The following FAM110B variants were observed in gnomAD, a reference collection of about 807,000 sequenced individuals.
FAM110B encodes family with sequence similarity 110 member B, also known as protein FAM110B.
A neutral mutation model predicts 20.4 loss-of-function variants in FAM110B; 6 were observed. That is an observed-to-expected ratio of 0.29 (90% CI 0.16 to 0.58). The LOEUF (loss-of-function observed/expected upper bound fraction) is 0.58. Among genes scored for constraint, FAM110B ranks in the 20% least tolerant of loss-of-function variants. The pLI is 0.90. For synonymous variants in FAM110B, 226 were observed against 214.1 expected (o/e 1.06, Z -0.49); for missense variants, 434 against 498.2 (o/e 0.87, Z 1.23).
chr8:58,105,615 C>T (rs1051712890), intron 3 of FAM110B, among the ~76,000 whole-genome samples: 1 of 124,390 alleles, frequency 8.0e-6, no homozygotes, highest in Non-Finnish European at 1.6e-5. Flanking sequence ...GTCGCCCAGG[C>T]TGGAGTGCAG....
At chr8:58,138,492 C>T (rs1199467328) in intron 3 of FAM110B, among the ~76,000 whole-genome samples, 2 of 152,194 alleles carry the variant, frequency 1.3e-5, no homozygotes, top group African/African-American at 2.4e-5. Context: ...AGTTCCCAGG[C>T]TCCTCAGCTC....
At chr8:58,111,884 A>G (rs1373150509) in intron 3 of FAM110B, among the ~76,000 whole-genome samples, 1 of 152,160 alleles carries the variant, frequency 6.6e-6, no homozygotes, top group African/African-American at 2.4e-5. Context: ...TTACTTAACT[A>G]ATATAAGTGA....
At chr8:58,071,132 T>G (rs932045246) in intron 2 of FAM110B, among the ~76,000 whole-genome samples, 9 of 152,106 alleles carry the variant, frequency 5.9e-5, no homozygotes, top group African/African-American at 2.2e-4. Context: ...AATTTTTTCC[T>G]GAAAATTGAT....
chr8:58,032,003 T>C (rs1585826361), intron 2 of FAM110B, among the ~76,000 whole-genome samples: 1 of 152,154 alleles, frequency 6.6e-6, no homozygotes, highest in African/African-American at 2.4e-5. Flanking sequence ...GCAAAAACCA[T>C]CCTTGTAGAA....
intron 3 of FAM110B, among the ~76,000 whole-genome samples, chr8:58,104,791 G>C (rs1312121415): frequency 6.6e-6 from 1 of 152,122 alleles, no homozygotes; most frequent in East Asian, 1.9e-4. Context: ...CCAATGACAT[G>C]ACTCAGCGAT....
At position 58,052,772 on chromosome 8, in the gene FAM110B, CTTTTTTTTTTTTTTT is replaced by C. The variant is rs71248165; in HGVS notation, c.-414+21086_-414+21100del. Among the ~76,000 whole-genome samples the C allele has an allele frequency of 8.0e-3, 417 of 52,354 alleles. 5 individuals carry two copies. Among genetic ancestry groups the C allele is most frequent in the South Asian group, 0.02 (21 of 1,074 alleles). The allele number at this position is 52,354 out of a possible 152,430, so 34.3% of individuals were successfully genotyped here. Reference sequence around the variant, plus strand: ...TAGAGTGTGGTGAGAGTGATGGACTCTTTTTTTTTTTTTTTTTTTTTTTTTTTTTTTGAGACGGAG... The same window carrying C: ...TAGAGTGTGGTGAGAGTGATGGACTCTTTTTTTTTTTTTTTTGAGACGGAG... On this transcript the variant is annotated intron_variant, in intron 2 of 3. Coordinates refer to ENST00000519262, the MANE Select transcript of FAM110B (RefSeq NM_001377989.1).
intron 2 of FAM110B, among the ~76,000 whole-genome samples, chr8:58,068,598 TA>T (rs11342170): frequency 0.82 from 120,328 of 147,578 alleles, 49,404 homozygotes; most frequent in African/African-American, 0.93. Context: ...TAGCTAAAAA[TA>T]AAAAAAAAAA....
intron 3 of FAM110B, among the ~76,000 whole-genome samples, chr8:58,107,662 T>C (rs1173109978): frequency 6.6e-6 from 1 of 152,240 alleles, no homozygotes; most frequent in East Asian, 1.9e-4. Context: ...TAATGCATAA[T>C]AATAAGCGCC....
chr8:57,999,155 T>G (rs937015266), intron 1 of FAM110B, among the ~76,000 whole-genome samples: 3 of 152,234 alleles, frequency 2.0e-5, no homozygotes, highest in African/African-American at 7.2e-5. Flanking sequence ...GATTAAACAG[T>G]TTTAAACCGG....
At position 58,108,305 on chromosome 8, in the gene FAM110B, C is replaced by T. The variant is rs577145966; in HGVS notation, c.-325+32682C>T. 3.9e-5 allele frequency among the ~76,000 whole-genome samples: 6 copies of T among 152,272 alleles called. No individual in the cohort carries two copies. In the South Asian group the frequency reaches 1.0e-3, roughly 26 times the overall value. ...CACAAATTCTGGTTGTTTTTATTTTCATCTATGAACAAGGGCAATTTCAAG... is the reference window on the plus strand; with the variant it reads ...CACAAATTCTGGTTGTTTTTATTTTTATCTATGAACAAGGGCAATTTCAAG... On this transcript the variant is annotated intron_variant, in intron 3 of 3. Coordinates refer to ENST00000519262, the MANE Select transcript of FAM110B (RefSeq NM_001377989.1).
intron 2 of FAM110B, among the ~76,000 whole-genome samples, chr8:58,040,353 G>A (rs999480743): frequency 1.5e-4 from 23 of 152,124 alleles, no homozygotes; most frequent in Admixed American, 1.4e-3. Flanking sequence ...ATATGCTTAC[G>A]AAGAGAAACT....
At chr8:58,098,470 C>G (rs1479384055) in intron 3 of FAM110B, among the ~76,000 whole-genome samples, 1 of 152,214 alleles carries the variant, frequency 6.6e-6, no homozygotes, top group Non-Finnish European at 1.5e-5. Flanking sequence ...TGGATCTTAG[C>G]TTGCTGGGTT....
chr8:58,093,282 C>G (rs1356547789), intron 3 of FAM110B, among the ~76,000 whole-genome samples: 2 of 152,104 alleles, frequency 1.3e-5, no homozygotes, highest in Admixed American at 1.3e-4. Flanking sequence ...TTTTGGCTTT[C>G]ATTGCTGTTG....
intron 3 of FAM110B, among the ~76,000 whole-genome samples, chr8:58,142,861 C>G (rs531167473): frequency 6.6e-6 from 1 of 152,166 alleles, no homozygotes; most frequent in Non-Finnish European, 1.5e-5. Context: ...TCTAATTTTC[C>G]TTCCTCAAAA....
rs574006765 is a variant in FAM110B, at chr8:58,098,365, C to T, written c.-325+22742C>T. Among the ~76,000 whole-genome samples the T allele has an allele frequency of 1.1e-4, 17 of 152,330 alleles. 1 individual carries two copies. The South Asian group carries it at 2.7e-3, about 24-fold the overall frequency. Reference sequence around the variant, plus strand: ...CTGTGAGGGGAAAACTGCTTATTCACGCTTCAGTAATGACAGATGCCCCTC... The same window carrying T: ...CTGTGAGGGGAAAACTGCTTATTCATGCTTCAGTAATGACAGATGCCCCTC... On this transcript the variant is annotated intron_variant, in intron 3 of 3. Transcript: ENST00000519262.
chr8:58,134,319 C>T (rs1803558626), intron 3 of FAM110B, among the ~76,000 whole-genome samples: 1 of 152,102 alleles, frequency 6.6e-6, no homozygotes, highest in South Asian at 2.1e-4. Context: ...TTTCCTTTTG[C>T]CCCTTATTTG....
chr8:58,019,703 G>T (rs982177851), intron 1 of FAM110B, among the ~76,000 whole-genome samples: 1 of 152,058 alleles, frequency 6.6e-6, no homozygotes, highest in Non-Finnish European at 1.5e-5. Context: ...CTAAAAAGAA[G>T]TTGGCTATCA....
intron 3 of FAM110B, among the ~76,000 whole-genome samples, chr8:58,131,663 G>A (rs570643601): frequency 6.6e-6 from 1 of 152,250 alleles, no homozygotes; most frequent in South Asian, 2.1e-4. Flanking sequence ...CAGCACCCAT[G>A]CTTGTCATAC....
chr8:58,036,395 C>G (rs139656685), intron 2 of FAM110B, among the ~76,000 whole-genome samples: 3 of 152,140 alleles, frequency 2.0e-5, no homozygotes, highest in Non-Finnish European at 4.4e-5. Context: ...AATACCATTC[C>G]TCATGGTGGA....
Sources: allele counts gnomAD v4.1 joint callset (sites outside exome capture counted in the v4.1 genomes callset), GRCh38; gene constraint gnomAD v4.1.1; transcripts MANE v1.5; gene names NCBI Gene and HGNC (gene_info 2026-07-23, HGNC 2026-07-21).